The following PTPRG variants were observed in gnomAD, a reference collection of about 807,000 sequenced individuals.
The protein encoded by PTPRG is receptor-type tyrosine-protein phosphatase gamma.
Under a neutral mutation model 165.3 loss-of-function variants are expected in PTPRG, and 102 were observed. That is an observed-to-expected ratio of 0.62 (90% CI 0.53 to 0.73). The LOEUF (loss-of-function observed/expected upper bound fraction) is 0.73. Ranked by LOEUF, PTPRG falls within the 30% of genes least tolerant of loss-of-function variation. PTPRG has a pLI of 0.00. For missense variants in PTPRG, 1,866 were observed against 1,861.4 expected, an observed-to-expected ratio of 1.00 and a Z score of -0.05; for synonymous variants, 675 against 669.5, an observed-to-expected ratio of 1.01 and a Z score of -0.13.
intron 1 of PTPRG, among the ~76,000 whole-genome samples, chr3:61,747,322 C>T (rs989577686): frequency 3.3e-5 from 5 of 152,070 alleles, no homozygotes; most frequent in African/African-American, 1.2e-4. Flanking sequence ...GTGTTTTACT[C>T]ACTGTTTTGA....
intron 2 of PTPRG, among the ~76,000 whole-genome samples, chr3:61,803,125 C>T (rs1048231297): frequency 1.3e-5 from 2 of 152,148 alleles, no homozygotes; most frequent in Non-Finnish European, 2.9e-5. Flanking sequence ...TCCTGTCAGG[C>T]ACTTACAGAA....
chr3:61,618,360 G>C (rs1575541484), intron 1 of PTPRG, among the ~76,000 whole-genome samples: 1 of 152,046 alleles, frequency 6.6e-6, no homozygotes, highest in Admixed American at 6.6e-5. Flanking sequence ...ATGAGAGGGG[G>C]GTGTGTGTGC....
At chr3:62,138,919 G>T (rs759241099) in intron 6 of PTPRG, among the ~76,000 whole-genome samples, 8 of 152,088 alleles carry the variant, frequency 5.3e-5, no homozygotes, top group Non-Finnish European at 5.9e-5. Context: ...GGCTGTTTGT[G>T]TACATACACA....
intron 1 of PTPRG, among the ~76,000 whole-genome samples, chr3:61,745,392 T>C (rs373515183): frequency 2.6e-5 from 4 of 152,102 alleles, no homozygotes; most frequent in African/African-American, 9.7e-5. Flanking sequence ...CTGATTTCCA[T>C]TGTGAGTGGT....
intron 1 of PTPRG, among the ~76,000 whole-genome samples, chr3:61,615,387 G>T (rs1375047678): frequency 1.3e-5 from 2 of 152,208 alleles, no homozygotes; most frequent in African/African-American, 4.8e-5. Flanking sequence ...GTTTTGGTTT[G>T]TCTGAGGTTT....
At chr3:61,922,678 T>C (rs2039107705) in intron 2 of PTPRG, among the ~76,000 whole-genome samples, 4 of 152,228 alleles carry the variant, frequency 2.6e-5, no homozygotes, top group Admixed American at 2.6e-4. Flanking sequence ...TCTTACTCTG[T>C]GGCCCAGGCC....
chr3:62,271,349 C>G lies in PTPRG; in HGVS notation c.3010-34C>G, dbSNP rs191799587. The G allele has an allele frequency of 9.9e-4, 1,525 of 1,542,392 alleles. 8 individuals carry two copies. Among genetic ancestry groups the G allele is most frequent in the African/African-American group, 4.0e-3 (292 of 72,868 alleles). On this transcript the variant is annotated intron_variant, in intron 20 of 29. Coordinates refer to ENST00000474889, the MANE Select transcript of PTPRG (RefSeq NM_002841.4). This position sits in a 1 kb window ranked among gnomAD's most constrained non-coding sequence, Gnocchi z 4.1. ...TTTTTTTCCAGAATGTCCACCCCCC[C>G]GCTTAAAGACATCTTTTTTCACTTT... is the stretch of plus-strand genomic sequence containing the variant.
At chr3:61,948,764 C>G (rs1323819543) in intron 2 of PTPRG, among the ~76,000 whole-genome samples, 3 of 152,074 alleles carry the variant, frequency 2.0e-5, no homozygotes, top group Non-Finnish European at 4.4e-5. Context: ...TGTAAAGAGC[C>G]TTTTTGTTAA....
intron 1 of PTPRG, among the ~76,000 whole-genome samples, chr3:61,686,830 A>G (rs569340449): frequency 6.6e-6 from 1 of 152,274 alleles, no homozygotes; most frequent in African/African-American, 2.4e-5. Flanking sequence ...GTACAACGGT[A>G]TTTAGTTAAA....
intron 2 of PTPRG, among the ~76,000 whole-genome samples, chr3:61,906,273 T>G (rs2038648749): frequency 6.6e-6 from 1 of 151,108 alleles, no homozygotes; most frequent in African/African-American, 2.4e-5. Context: ...GCCAACATAA[T>G]GAAACCCTGT....
intron 1 of PTPRG, among the ~76,000 whole-genome samples, chr3:61,631,815 G>A (rs1367734186): frequency 6.6e-6 from 1 of 152,112 alleles, no homozygotes; most frequent in African/African-American, 2.4e-5. Flanking sequence ...TTTTTGTGAT[G>A]TAGGCACTGG....
intron 1 of PTPRG, among the ~76,000 whole-genome samples, chr3:61,646,994 T>C (rs1028230619): frequency 1.3e-5 from 2 of 152,236 alleles, no homozygotes; most frequent in East Asian, 1.9e-4. Context: ...GCAGTTTGTT[T>C]ATCCGTTCAT....
chr3:62,030,505 G>A (rs1416235114), intron 4 of PTPRG, among the ~76,000 whole-genome samples: 3 of 152,048 alleles, frequency 2.0e-5, no homozygotes, highest in South Asian at 2.1e-4. Flanking sequence ...TGGTTAAATC[G>A]GCATTAGTCA....
At chr3:61,584,576 T>G (rs1292406436) in intron 1 of PTPRG, among the ~76,000 whole-genome samples, 1 of 141,270 alleles carries the variant, frequency 7.1e-6, no homozygotes, top group Admixed American at 6.8e-5. Context: ...AGTTTAGGTT[T>G]TTTTTTTTTT....
At chr3:61,779,745 C>T (rs1279401050) in intron 2 of PTPRG, among the ~76,000 whole-genome samples, 6 of 152,252 alleles carry the variant, frequency 3.9e-5, no homozygotes. Flanking sequence ...ATCCCACCCA[C>T]ATTTTCTTAT....
intron 1 of PTPRG, among the ~76,000 whole-genome samples, chr3:61,709,328 T>G (rs754295718): frequency 3.8e-4 from 58 of 152,302 alleles, no homozygotes; most frequent in African/African-American, 1.3e-3. Context: ...TTATTTATTT[T>G]TTTTGAAATG....
chr3:61,712,735 C>G (rs901695052), intron 1 of PTPRG, among the ~76,000 whole-genome samples: 1 of 152,192 alleles, frequency 6.6e-6, no homozygotes, highest in Non-Finnish European at 1.5e-5. Context: ...CAGGTGATAT[C>G]TTTATAGCAC....
intron 4 of PTPRG, among the ~76,000 whole-genome samples, chr3:62,010,369 C>G (rs1423642030): frequency 4.4e-5 from 3 of 68,912 alleles, no homozygotes; most frequent in Admixed American, 1.8e-4. Context: ...TCCCTCTCTT[C>G]TTGTGTGTGT....
At chr3:61,843,053 T>G (rs1343301065) in intron 2 of PTPRG, among the ~76,000 whole-genome samples, 2 of 152,232 alleles carry the variant, frequency 1.3e-5, no homozygotes, top group Non-Finnish European at 2.9e-5. Flanking sequence ...CTAGCCTGAT[T>G]TATACTACTT....
Sources: allele counts gnomAD v4.1 joint callset (sites outside exome capture counted in the v4.1 genomes callset), GRCh38; gene constraint gnomAD v4.1.1; non-coding constraint Gnocchi (gnomAD v3.1); transcripts MANE v1.5; gene names NCBI Gene and HGNC (gene_info 2026-07-23, HGNC 2026-07-21).